SV2B: variants seen among roughly 807,000 people sequenced by gnomAD.
SV2B encodes solute carrier family 22 member B2.
A neutral mutation model predicts 73.9 loss-of-function variants in SV2B; 41 were observed. The observed-to-expected ratio is 0.56, with a 90% CI of 0.43 to 0.72. SV2B has a LOEUF of 0.72. Among genes scored for constraint, SV2B ranks in the 30% least tolerant of loss-of-function variants. The pLI is 0.00. For missense variants in SV2B, 764 were observed against 857.8 expected, an observed-to-expected ratio of 0.89 and a Z score of 1.37; for synonymous variants, 314 against 314.2, an observed-to-expected ratio of 1.00 and a Z score of 0.01.
At position 91,236,920 on chromosome 15, in the gene SV2B, A is replaced by T. The variant is rs545438323; in HGVS notation, c.451+10206A>T. 1.3e-5 allele frequency among the ~76,000 whole-genome samples: 2 copies of T among 151,516 alleles called. No homozygotes were observed. Among genetic ancestry groups the T allele is most frequent in the South Asian group, 4.2e-4 (2 of 4,794 alleles). On this transcript the variant is annotated intron_variant, in intron 2 of 12. Transcript: ENST00000394232. This position sits in a 1 kb window ranked among gnomAD's most constrained non-coding sequence, Gnocchi z 4.1. ...GATCTTTAAATGTGATCTTTCCAAC[A>T]TGGCAGCTCCAGGGTAGCTGGATTT...
rs2046429484 is a variant in SV2B, at chr15:91,227,715, T to G, written c.451+1001T>G. On this transcript the variant is annotated intron_variant, in intron 2 of 12. Transcript: ENST00000394232. This position sits in a 1 kb window ranked among gnomAD's most constrained non-coding sequence, Gnocchi z 4.5. ...CTCAGGATCTGGGAAGAAAATAGCT[T>G]TTGTCTCTCAAATAATTTGCATGTA... is the stretch of plus-strand genomic sequence containing the variant. Among the ~76,000 whole-genome samples, 1 of 152,230 alleles carries G rather than the reference T, an allele frequency of 6.6e-6. No homozygotes were observed. Among genetic ancestry groups the G allele is most frequent in the Admixed American group, 6.5e-5 (1 of 15,288 alleles).
chr15:91,291,995 G>A (rs948147060), intron 12 of SV2B, among the ~76,000 whole-genome samples: 1 of 152,108 alleles, frequency 6.6e-6, no homozygotes, highest in Admixed American at 6.5e-5. Context: ...AGTGTTAAAA[G>A]GGGGAACACT....
Position 91,258,142 on chromosome 15 carries a change from ACCTGGGGATTTGTCAGAATGCAGAATT to A in SV2B, c.785-251_785-225del, listed in dbSNP as rs1486311739. ...TCTGTAAATGTCAGGCCAGGCCTGG[ACCTGGGGATTTGTCAGAATGCAGAATT>A]CCTGGGGATTTGTCAGAATGCAGAA... On this transcript the variant is annotated intron_variant, in intron 4 of 12. Coordinates refer to ENST00000394232, the MANE Select transcript of SV2B (RefSeq NM_001323032.3). The surrounding 1 kb of genome is among the most constrained non-coding windows in gnomAD (Gnocchi z 4.7). 5.9e-5 allele frequency among the ~76,000 whole-genome samples: 9 copies of A among 152,280 alleles called. No homozygotes were observed. Among genetic ancestry groups the A allele is most frequent in the Non-Finnish European group, 1.2e-4 (8 of 68,010 alleles).
At chr15:91,292,266 C>A in intron 12 of SV2B, 103 bp from the exon 13 acceptor site, 2 of 1,186,758 alleles carry the variant, frequency 1.7e-6, no homozygotes, top group South Asian at 3.3e-5. Flanking sequence ...AAAAAAAACT[C>A]CCTTGCACCC....
rs1260965744 is a variant in SV2B, at chr15:91,139,847, G to A, written c.-392+39484G>A. 6.6e-6 allele frequency among the ~76,000 whole-genome samples: 1 copy of A among 152,208 alleles called. No homozygotes were observed. Among genetic ancestry groups the A allele is most frequent in the East Asian group, 1.9e-4 (1 of 5,200 alleles). On this transcript the variant is annotated intron_variant, in intron 1 of 12. Transcript: ENST00000394232. This position sits in a 1 kb window ranked among gnomAD's most constrained non-coding sequence, Gnocchi z 5.2. The stretch of plus-strand genomic sequence containing the variant: ...AGACGTAAACTAAGATTGTCCTGGA[G>A]AAACCAAGCTATATGGTCCCTCTGG...
upstream of SV2B, among the ~76,000 whole-genome samples, chr15:91,099,648 T>A (rs750315834): frequency 1.6e-4 from 24 of 152,194 alleles, no homozygotes; most frequent in Non-Finnish European, 2.5e-4. Context: ...CTTGTTTGAA[T>A]GCACCAAGCC....
rs2042670647 is a variant in SV2B, at chr15:91,132,081, G to A, written c.-392+31718G>A. 6.6e-6 allele frequency among the ~76,000 whole-genome samples: 1 copy of A among 152,152 alleles called. No homozygotes were observed. Among genetic ancestry groups the A allele is most frequent in the Admixed American group, 6.5e-5 (1 of 15,284 alleles). ...TTTGAACAAAGAATGGGACAAAAAC[G>A]CCCAGCAAAGCAAAGAAAGAATGAA... On this transcript the variant is annotated intron_variant, in intron 1 of 12. Transcript: ENST00000394232. This position sits in a 1 kb window ranked among gnomAD's most constrained non-coding sequence, Gnocchi z 4.6.
At chr15:91,138,917 TAAAG>T (rs1011393719) in intron 1 of SV2B, among the ~76,000 whole-genome samples, 7 of 152,122 alleles carry the variant, frequency 4.6e-5, no homozygotes, top group African/African-American at 1.7e-4. Context: ...CATAAATTAT[TAAAG>T]AAAGTGATAT....
chr15:91,275,958 A>G (rs985006162), intron 9 of SV2B, among the ~76,000 whole-genome samples: 6 of 152,148 alleles, frequency 3.9e-5, no homozygotes, highest in Non-Finnish European at 7.4e-5. Flanking sequence ...TCTTGTAGTG[A>G]AATTATGATG....
rs1250854724 is a variant in SV2B, at chr15:91,229,653, C to A, written c.451+2939C>A. On this transcript the variant is annotated intron_variant, in intron 2 of 12. Transcript: ENST00000394232. This position sits in a 1 kb window ranked among gnomAD's most constrained non-coding sequence, Gnocchi z 4.3. Reference sequence around the variant, plus strand: ...CTACTTCATAGGATTATTCTGAGGACTAAATAAGGTTAATCCATTTAACAT... The same window carrying A: ...CTACTTCATAGGATTATTCTGAGGAATAAATAAGGTTAATCCATTTAACAT... Among the ~76,000 whole-genome samples the A allele has an allele frequency of 6.6e-6, 1 of 152,154 alleles. No individual in the cohort carries two copies. Among genetic ancestry groups the A allele is most frequent in the South Asian group, 2.1e-4 (1 of 4,830 alleles).
In SV2B at chr15:91,124,543, C is replaced by A. The variant is rs2042423025; in HGVS notation, c.-392+24180C>A. On this transcript the variant is annotated intron_variant, in intron 1 of 12. Transcript: ENST00000394232. The surrounding 1 kb of genome is among the most constrained non-coding windows in gnomAD (Gnocchi z 4.6). ...AGTCATCCTAAAACTTTCCACCATC[C>A]CCAAATGCCAAAAATACTTCTTCTC... Among the ~76,000 whole-genome samples, 1 of 152,088 alleles carries A rather than the reference C, an allele frequency of 6.6e-6. No homozygotes were observed. Among genetic ancestry groups the A allele is most frequent in the Admixed American group, 6.5e-5 (1 of 15,270 alleles).
intron 10 of SV2B, among the ~76,000 whole-genome samples, 162 bp downstream of exon 10, chr15:91,282,023 C>A (rs2048698404): frequency 6.6e-6 from 1 of 152,220 alleles, no homozygotes; most frequent in Non-Finnish European, 1.5e-5. Context: ...AGGCATGGCA[C>A]AAATTAGGTG....
Position 91,226,105 on chromosome 15 carries a change from A to AGGG in SV2B, c.-152_-150dup. The stretch of plus-strand genomic sequence containing the variant: ...CAAATCTGGTTGATTTGAGAGATAA[A>AGGG]GGGGGGGGGAACCAGTGTGACTTTC... On this transcript the variant is annotated 5_prime_UTR_variant, in exon 2 of 13. Coordinates refer to ENST00000394232, the MANE Select transcript of SV2B (RefSeq NM_001323032.3). 1.5e-5 allele frequency: 10 copies of AGGG among 662,160 alleles called. No individual in the cohort carries two copies. The highest frequency in any genetic ancestry group is 3.2e-5 in the Admixed American group (1 of 31,556). 41.0% of individuals were successfully genotyped at this position (662,160 alleles called of 1,614,324 possible). A position where few individuals can be genotyped will look rare whatever the true frequency, so the allele number is the denominator to read the frequency against.
intron 1 of SV2B, among the ~76,000 whole-genome samples, chr15:91,103,191 G>A (rs937924190): frequency 6.6e-6 from 1 of 152,198 alleles, no homozygotes; most frequent in East Asian, 1.9e-4. Context: ...GAGCATAAAC[G>A]AATGCAGGAA....
At position 91,239,782 on chromosome 15, in the gene SV2B, G is replaced by A. The variant is rs1021169785; in HGVS notation, c.452-12037G>A. 6.6e-6 allele frequency among the ~76,000 whole-genome samples: 1 copy of A among 152,154 alleles called. No individual in the cohort carries two copies. Among genetic ancestry groups the A allele is most frequent in the East Asian group, 1.9e-4 (1 of 5,198 alleles). ...TTATTGATCAAGAATTTTCAAAGTA[G>A]GTGGTACCAGAGTTGGTTCGATGAC... On this transcript the variant is annotated intron_variant, in intron 2 of 12. Transcript: ENST00000394232. This position sits in a 1 kb window ranked among gnomAD's most constrained non-coding sequence, Gnocchi z 5.1.
At chr15:91,194,823 C>T (rs1009874267) in intron 1 of SV2B, among the ~76,000 whole-genome samples, 5 of 152,034 alleles carry the variant, frequency 3.3e-5, no homozygotes, top group African/African-American at 1.2e-4. Context: ...TTCTTCTTCC[C>T]CGGCTGAATT....
intron 1 of SV2B, among the ~76,000 whole-genome samples, chr15:91,145,509 A>G (rs1211139246): frequency 6.6e-6 from 1 of 152,218 alleles, no homozygotes; most frequent in Non-Finnish European, 1.5e-5. Context: ...ATACCCAGTA[A>G]TGAGATTGCT....
Position 91,281,814 on chromosome 15 carries a change from C to A in SV2B, c.1460C>A (p.Thr487Asn). ...CYFEDVTSTDTYFKNCTIEST... is the reference protein window; with the variant it reads ...CYFEDVTSTDNYFKNCTIEST... ...TTTGAAGACGTAACATCAACAGATA[C>A]CTACTTCAAAAATTGTACCATTGAA... The change falls in exon 10 of 13, where the codon ACC becomes AAC. Residue 487 changes from threonine (T) to asparagine (N), a missense_variant. Coordinates refer to ENST00000394232, the MANE Select transcript of SV2B (RefSeq NM_001323032.3). The surrounding 1 kb of genome is among the most constrained non-coding windows in gnomAD (Gnocchi z 4.7). The A allele has an allele frequency of 1.2e-6, 2 of 1,613,130 alleles. No homozygotes were observed. Among genetic ancestry groups the A allele is most frequent in the Non-Finnish European group, 1.7e-6 (2 of 1,179,474 alleles).
intron 1 of SV2B, among the ~76,000 whole-genome samples, chr15:91,135,918 C>T (rs2042809454): frequency 6.6e-6 from 1 of 152,162 alleles, no homozygotes. Flanking sequence ...AAACACAGCT[C>T]CTAGGAGGAA....
Sources: gnomAD v4.1 joint callset for allele counts (sites outside exome capture counted in the v4.1 genomes callset) on GRCh38, gnomAD v4.1.1 for gene constraint, Gnocchi (gnomAD v3.1) non-coding constraint, MANE v1.5 for transcripts, NCBI Gene and HGNC (gene_info 2026-07-23, HGNC 2026-07-21) for gene names.